The following RRAGC variants were observed in gnomAD, a reference collection of about 807,000 sequenced individuals.
RRAGC encodes Ras related GTP binding C.
RRAGC carries 8 observed loss-of-function variants against 37.1 expected under a neutral mutation model. The ratio of observed to expected loss-of-function variants is 0.22; its 90% confidence interval spans 0.13 to 0.39. The LOEUF (loss-of-function observed/expected upper bound fraction) is 0.39, where lower values mean the gene tolerates loss of function less well. RRAGC is among the 10% of genes least tolerant of loss of function. RRAGC has a pLI of 1.00. For missense variants in RRAGC, 342 were observed against 497.6 expected (o/e 0.69, Z 2.98); for synonymous variants, 190 against 181.1 (o/e 1.05, Z -0.39).
rs1048588464 is a variant in RRAGC, at chr1:38,848,613, A to G, written c.900-2526T>C. ...AATGCTTGCTCAGAATCTGTAAAGC[A>G]TAAGATCTGCTTTCTACATTTATCT... On this transcript the variant is annotated intron_variant, in intron 5 of 6. Transcript: ENST00000373001. 6.6e-5 allele frequency among the ~76,000 whole-genome samples: 10 copies of G among 152,350 alleles called. No individual in the cohort carries two copies. In the East Asian group the frequency reaches 9.6e-4, roughly 15 times the overall value.
At chr1:38,848,360 G>A (rs1263703804) in intron 5 of RRAGC, among the ~76,000 whole-genome samples, 1 of 152,142 alleles carries the variant, frequency 6.6e-6, no homozygotes, top group African/African-American at 2.4e-5. Context: ...CTGACAACAG[G>A]TTCCAACATA....
At position 38,845,897 on chromosome 1, in the gene RRAGC, C is replaced by G. The variant is rs574367563; in HGVS notation, c.1048+42G>C. 67 of 1,517,294 alleles carry G rather than the reference C, an allele frequency of 4.4e-5. 1 individual carries two copies. In the South Asian group the frequency reaches 7.9e-4, roughly 18 times the overall value. 94.0% of individuals were successfully genotyped at this position (1,517,294 alleles called of 1,614,324 possible). A position where few individuals can be genotyped will look rare whatever the true frequency, so the allele number is the denominator to read the frequency against. ...TTTTCAAGAACCTGAGAAGTTATGG[C>G]AAAGAAATTAACATAAAAACAGCTT... On this transcript the variant is annotated intron_variant, in intron 6 of 6. Coordinates refer to ENST00000373001, the MANE Select transcript of RRAGC (RefSeq NM_022157.4).
rs1570867807 is a variant in RRAGC, at chr1:38,852,627, C to T, written c.642-139G>A. On this transcript the variant is annotated intron_variant, in intron 3 of 6. Transcript: ENST00000373001. ...AAGCCTCTTTATCTTGTCTACCATA[C>T]CCATCACTCAAGATGACAAATACAC... 1.4e-5 allele frequency: 7 copies of T among 514,032 alleles called. No individual in the cohort carries two copies. In the East Asian group the frequency reaches 2.4e-4, roughly 17 times the overall value. 31.8% of individuals were successfully genotyped at this position (514,032 alleles called of 1,614,324 possible).
At chr1:38,855,565 G>A (rs1230948216) in intron 3 of RRAGC, 143 bp downstream of exon 3, 2 of 716,230 alleles carry the variant, frequency 2.8e-6, no homozygotes, top group Admixed American at 2.7e-5. Flanking sequence ...CAGACAGCCT[G>A]GAATTCAACA....
chr1:38,858,408 A>G (rs1642193410), intron 1 of RRAGC, among the ~76,000 whole-genome samples: 1 of 152,090 alleles, frequency 6.6e-6, no homozygotes, highest in African/African-American at 2.4e-5. Flanking sequence ...AACCCTCACT[A>G]AACAGTGTAG....
At chr1:38,850,546 C>T (rs1054107259) in intron 5 of RRAGC, among the ~76,000 whole-genome samples, 23 of 136,802 alleles carry the variant, frequency 1.7e-4, no homozygotes, top group African/African-American at 5.8e-4. Flanking sequence ...AAATAAATAA[C>T]AAAAGAGAGC....
chr1:38,851,722 A>G lies in RRAGC; in HGVS notation c.792T>C (p.Val264=), dbSNP rs1178386748. The part of the protein sequence containing the change: ...SGIEKAFLFD[V]VSKIYIATDS... Reference sequence around the variant, plus strand: ...CTGTTGCAATGTAGATTTTGCTGACAACATCAAAGAGAAAAGCTTTTTCAA... The same window carrying G: ...CTGTTGCAATGTAGATTTTGCTGACGACATCAAAGAGAAAAGCTTTTTCAA... The change falls in exon 5 of 7, where the codon GTT becomes GTC. Residue 264 remains valine, a synonymous_variant. Transcript: ENST00000373001. 4.3e-6 allele frequency: 7 copies of G among 1,609,684 alleles called. No homozygotes were observed. In the Admixed American group the frequency reaches 5.1e-5, roughly 12 times the overall value.
At chr1:38,857,471 G>A (rs1034681711) in intron 1 of RRAGC, among the ~76,000 whole-genome samples, 3 of 152,200 alleles carry the variant, frequency 2.0e-5, no homozygotes, top group Admixed American at 1.3e-4. Context: ...AAAATTACTT[G>A]AATGCCTACC....
At chr1:38,854,212 C>T (rs566772161) in intron 3 of RRAGC, among the ~76,000 whole-genome samples, 1 of 152,122 alleles carries the variant, frequency 6.6e-6, no homozygotes, top group Admixed American at 6.5e-5. Flanking sequence ...GGACTACAGG[C>T]ACACACCACA....
At chr1:38,857,524 T>C (rs1013153748) in intron 1 of RRAGC, among the ~76,000 whole-genome samples, 1 of 152,238 alleles carries the variant, frequency 6.6e-6, no homozygotes, top group African/African-American at 2.4e-5. Context: ...CAGACTGGAC[T>C]CTGCCCTCAC....
rs187878382 is a variant in RRAGC at position 38,855,023 on chromosome 1, C to T, written c.641+685G>A. Among the ~76,000 whole-genome samples the T allele has an allele frequency of 1.5e-3, 235 of 152,274 alleles. 1 individual carries two copies. The highest frequency in any genetic ancestry group is 3.5e-3 in the Admixed American group (54 of 15,304). ...TTAGAATGCAAATACACAAATCAATCCTATCAAGTAGGTATTATTTAATAA... is the reference window on the plus strand; with the variant it reads ...TTAGAATGCAAATACACAAATCAATTCTATCAAGTAGGTATTATTTAATAA... On this transcript the variant is annotated intron_variant, in intron 3 of 6. Coordinates refer to ENST00000373001, the MANE Select transcript of RRAGC (RefSeq NM_022157.4).
rs534885859 is a variant in RRAGC at position 38,838,882 on chromosome 1, T to C, written c.*671A>G. On this transcript the variant is annotated 3_prime_UTR_variant, in exon 7 of 7. Transcript: ENST00000373001. ...ACCCAGACATCTGGTACTCAGAACA[T>C]AGGTGCAAAAATTTTCTTCCATTTC... The C allele has an allele frequency of 3.3e-5, 5 of 152,310 alleles. No individual in the cohort carries two copies. The highest frequency in any genetic ancestry group is 1.9e-4 in the East Asian group (1 of 5,192). The allele number at this position is 152,310 out of a possible 1,614,324, so 9.4% of individuals were successfully genotyped here.
At chr1:38,848,819 T>C (rs539424891) in intron 5 of RRAGC, among the ~76,000 whole-genome samples, 55 of 151,978 alleles carry the variant, frequency 3.6e-4, no homozygotes, top group Non-Finnish European at 6.9e-4. Context: ...ACCCTGTCTC[T>C]ACAAAAAAGT....
At chr1:38,846,162 A>G in intron 5 of RRAGC, 75 bp from the exon 6 acceptor site, 1 of 1,161,452 alleles carries the variant, frequency 8.6e-7, no homozygotes, top group Non-Finnish European at 1.3e-6. Context: ...GCACAATGAC[A>G]TCCACCCAGT....
At chr1:38,850,515 TAAA>T (rs1397966855) in intron 5 of RRAGC, among the ~76,000 whole-genome samples, 2 of 109,704 alleles carry the variant, frequency 1.8e-5, no homozygotes, top group African/African-American at 1.1e-4. Flanking sequence ...CTCCGTTTAA[TAAA>T]TAAATAAATA....
At chr1:38,859,215 C>G (rs971723768) in intron 1 of RRAGC, among the ~76,000 whole-genome samples, 195 bp downstream of exon 1, 1 of 152,272 alleles carries the variant, frequency 6.6e-6, no homozygotes, top group Non-Finnish European at 1.5e-5. Context: ...CTCCACTTGG[C>G]TTCAGCTGAC....
chr1:38,857,820 C>T (rs1359124256), intron 1 of RRAGC, among the ~76,000 whole-genome samples: 1 of 152,088 alleles, frequency 6.6e-6, no homozygotes, highest in African/African-American at 2.4e-5. Context: ...ATTAGTCGGG[C>T]GTGGTGGTGC....
At chr1:38,856,788 T>C in intron 2 of RRAGC, 91 bp downstream of exon 2, 3 of 1,269,112 alleles carry the variant, frequency 2.4e-6, no homozygotes, top group South Asian at 2.5e-5. Flanking sequence ...AGAGATAAGC[T>C]GCAACCACAT....
chr1:38,848,057 G>T, intron 5 of RRAGC: 1 of 150,290 alleles, frequency 6.7e-6, no homozygotes, highest in East Asian at 1.9e-4. Flanking sequence ...AAAAAGGTAG[G>T]AACTGAAGTT....
Sources: gnomAD v4.1 joint callset for allele counts (sites outside exome capture counted in the v4.1 genomes callset) on GRCh38, gnomAD v4.1.1 for gene constraint, MANE v1.5 for transcripts, NCBI Gene and HGNC (gene_info 2026-07-23, HGNC 2026-07-21) for gene names.